TET1: variants seen among roughly 807,000 people sequenced by gnomAD.
The protein encoded by TET1 is tet methylcytosine dioxygenase 1, also known as methylcytosine dioxygenase TET1.
A neutral mutation model predicts 148.7 loss-of-function variants in TET1; 13 were observed. That is an observed-to-expected ratio of 0.09 (90% confidence interval 0.06 to 0.14). The LOEUF is 0.14. TET1 is among the 10% of genes least tolerant of loss of function. TET1 has a pLI of 1.00. For missense variants in TET1, 2,182 were observed against 2,553.8 expected (o/e 0.85, Z 3.14); for synonymous variants, 907 against 937.2 (o/e 0.97, Z 0.59).
intron 3 of TET1, among the ~76,000 whole-genome samples, chr10:68,637,786 C>T (rs1395499440): frequency 6.6e-6 from 1 of 150,570 alleles, no homozygotes; most frequent in Non-Finnish European, 1.5e-5. Context: ...GCAGGAGAAT[C>T]ACTTGAACCT....
chr10:68,650,804 T>G (rs1482205739), intron 4 of TET1, among the ~76,000 whole-genome samples: 1 of 152,152 alleles, frequency 6.6e-6, no homozygotes, highest in Non-Finnish European at 1.5e-5. Context: ...AGGGGCCAAG[T>G]TAAAAATAGC....
intron 3 of TET1, among the ~76,000 whole-genome samples, chr10:68,613,062 T>G (rs2054239711): frequency 6.6e-6 from 1 of 152,258 alleles, no homozygotes; most frequent in African/African-American, 2.4e-5. Context: ...CATTATAGCT[T>G]AACTTCAGTC....
chr10:68,611,302 A>AT (rs1397441575), intron 3 of TET1, among the ~76,000 whole-genome samples: 3 of 151,964 alleles, frequency 2.0e-5, no homozygotes, highest in African/African-American at 4.8e-5. Context: ...AAAAAAAAAA[A>AT]GTGACCTTTC....
rs2055234779 is a variant in TET1 at position 68,669,216 on chromosome 10, CAG to C, written c.4673+1963_4673+1964del. 6.7e-5 allele frequency among the ~76,000 whole-genome samples: 10 copies of C among 149,952 alleles called. No homozygotes were observed. In the South Asian group the frequency reaches 2.2e-3, roughly 32 times the overall value. Reference sequence around the variant, plus strand: ...GCTCTGATTTTGCCAGTGCACTTGACAGAGCATGATCAAGTCTTCCCCTCACC... The same window carrying C: ...GCTCTGATTTTGCCAGTGCACTTGACAGCATGATCAAGTCTTCCCCTCACC... On this transcript the variant is annotated intron_variant, in intron 7 of 11. Transcript: ENST00000373644.
intron 3 of TET1, among the ~76,000 whole-genome samples, chr10:68,611,713 T>G (rs2054215840): frequency 6.6e-6 from 1 of 151,576 alleles, no homozygotes; most frequent in African/African-American, 2.4e-5. Context: ...TCTTTCTTTT[T>G]TTTTTAGAGG....
intron 2 of TET1, among the ~76,000 whole-genome samples, chr10:68,587,935 G>C (rs1310424565): frequency 6.6e-6 from 1 of 152,108 alleles, no homozygotes; most frequent in Non-Finnish European, 1.5e-5. Context: ...CTGGAGTGCA[G>C]TGGCGCAACC....
At chr10:68,636,296 T>G (rs1436021264) in intron 3 of TET1, among the ~76,000 whole-genome samples, 10 of 152,172 alleles carry the variant, frequency 6.6e-5, no homozygotes, top group Admixed American at 6.6e-4. Context: ...AAAAATTAAA[T>G]AGAGGTTTTT....
chr10:68,686,997 C>T lies in TET1; in HGVS notation c.5404+290C>T, dbSNP rs545376489. ...CTGCCTCCTGGGTTCACGCCATTCT[C>T]CTGCCTCAGCGTCCTGCTTAGCTGG... On this transcript the variant is annotated intron_variant, in intron 11 of 11. Transcript: ENST00000373644. 2.7e-3 allele frequency among the ~76,000 whole-genome samples: 403 copies of T among 151,890 alleles called. 1 individual carries two copies. Among genetic ancestry groups the T allele is most frequent in the African/African-American group, 9.2e-3 (383 of 41,420 alleles).
intron 3 of TET1, among the ~76,000 whole-genome samples, chr10:68,636,424 C>T (rs561866270): frequency 2.6e-5 from 4 of 152,078 alleles, no homozygotes; most frequent in Non-Finnish European, 4.4e-5. Context: ...GTGGAGTTCT[C>T]GTTTGGGGTA....
intron 2 of TET1, among the ~76,000 whole-genome samples, chr10:68,594,092 A>G (rs1485740490): frequency 6.8e-6 from 1 of 147,012 alleles, no homozygotes; most frequent in Admixed American, 6.8e-5. Context: ...TGCCTGGCTA[A>G]TTTTTGTATT....
chr10:68,676,961 T>G (rs546284774), intron 8 of TET1, among the ~76,000 whole-genome samples: 5 of 152,212 alleles, frequency 3.3e-5, no homozygotes, highest in African/African-American at 7.2e-5. Flanking sequence ...ACCAGCATAA[T>G]CCTGAAGACA....
intron 7 of TET1, among the ~76,000 whole-genome samples, chr10:68,667,751 A>AG (rs2055214099): frequency 6.6e-6 from 1 of 151,686 alleles, no homozygotes; most frequent in African/African-American, 2.4e-5. Context: ...CTCAAAAAAA[A>AG]AAAACAAAAA....
intron 2 of TET1, among the ~76,000 whole-genome samples, chr10:68,584,852 G>A (rs1248779875): frequency 1.2e-4 from 18 of 147,160 alleles, no homozygotes; most frequent in African/African-American, 4.0e-4. Flanking sequence ...GCAAAATCTC[G>A]CCCTGTTGCC....
At chr10:68,676,676 A>C (rs1466931530) in intron 8 of TET1, among the ~76,000 whole-genome samples, 2 of 151,946 alleles carry the variant, frequency 1.3e-5, no homozygotes, top group Admixed American at 6.6e-5. Context: ...CCGCCTCCCA[A>C]AGTGCTGGGA....
At chr10:68,619,060 A>G (rs1260752861) in intron 3 of TET1, among the ~76,000 whole-genome samples, 1 of 152,196 alleles carries the variant, frequency 6.6e-6, no homozygotes, top group African/African-American at 2.4e-5. Flanking sequence ...GGTACAAAGG[A>G]AAAGTAAACA....
At chr10:68,615,488 G>A (rs911938177) in intron 3 of TET1, among the ~76,000 whole-genome samples, 1 of 151,454 alleles carries the variant, frequency 6.6e-6, no homozygotes, top group African/African-American at 2.4e-5. Context: ...TGGGACTGCA[G>A]GCACCCACCA....
rs181990690 is a variant in TET1 at position 68,593,675 on chromosome 10, C to A, written c.1915-7306C>A. On this transcript the variant is annotated intron_variant, in intron 2 of 11. Transcript: ENST00000373644. ...TGCACAGGCTGGAGAGCAAATGGTGCGATCTCGGCTCACTGCAACCTCCGC... is the reference window on the plus strand; with the variant it reads ...TGCACAGGCTGGAGAGCAAATGGTGAGATCTCGGCTCACTGCAACCTCCGC... Among the ~76,000 whole-genome samples, 984 of 151,926 alleles carry A rather than the reference C, an allele frequency of 6.5e-3. 43 individuals are homozygous for A. Among genetic ancestry groups the A allele is most frequent in the Non-Finnish European group, 1.3e-3 (86 of 67,964 alleles).
chr10:68,639,741 C>T (rs907693448), intron 3 of TET1, among the ~76,000 whole-genome samples: 5 of 152,158 alleles, frequency 3.3e-5, no homozygotes, highest in Admixed American at 6.6e-5. Context: ...GCTGGGAATA[C>T]AGGCGTGAGC....
chr10:68,633,573 G>A (rs2054608960), intron 3 of TET1, among the ~76,000 whole-genome samples: 1 of 152,016 alleles, frequency 6.6e-6, no homozygotes, highest in Non-Finnish European at 1.5e-5. Flanking sequence ...TAGTGCAAAA[G>A]TAACTGCGGT....
Sources: allele counts gnomAD v4.1 joint callset (sites outside exome capture counted in the v4.1 genomes callset), GRCh38; gene constraint gnomAD v4.1.1; transcripts MANE v1.5; gene names NCBI Gene and HGNC (gene_info 2026-07-23, HGNC 2026-07-21).